BEST3: variants seen among roughly 807,000 people sequenced by gnomAD.
The protein encoded by BEST3 is bestrophin-3.
BEST3 carries 50 observed loss-of-function variants against 47.1 expected under a neutral mutation model. The ratio of observed to expected loss-of-function variants is 1.06; its 90% CI spans 0.85 to 1.34. The LOEUF is 1.34. Ranked by LOEUF, BEST3 falls within the 40% of genes most tolerant of loss-of-function variation. The probability of loss-of-function intolerance (pLI) is 0.00; values close to 1 mark genes in which losing one functional copy is unlikely to be tolerated. For missense variants in BEST3, 765 were observed against 817.0 expected (o/e 0.94, Z 0.78); for synonymous variants, 282 against 298.8 (o/e 0.94, Z 0.58).
chr12:69,676,261 G>T (rs1340783134), intron 7 of BEST3, among the ~76,000 whole-genome samples: 1 of 151,936 alleles, frequency 6.6e-6, no homozygotes, highest in Non-Finnish European at 1.5e-5. Flanking sequence ...TTGAAAATGG[G>T]GTACATTTAG....
chr12:69,671,438 C>A lies in BEST3; in HGVS notation c.1090G>T (p.Val364Phe). The part of the protein sequence containing the change: ...YCIPSFLGST[V>F]QMGLSGSDFP... ...TAAAAATGCACTTACCCCATCTGGACTGTTGACCCCAGAAATGAGGGTATG... is the reference window on the plus strand; with the variant it reads ...TAAAAATGCACTTACCCCATCTGGAATGTTGACCCCAGAAATGAGGGTATG... The change falls in exon 9 of 10, where the codon GTC (valine) becomes TTC (phenylalanine). Residue 364 changes from valine to phenylalanine, a missense_variant. Physicochemically the swap from Val to Phe is conservative, Grantham distance 50. Coordinates refer to ENST00000330891, the MANE Select transcript of BEST3 (RefSeq NM_032735.3). 6.2e-7 allele frequency: 1 copy of A among 1,613,596 alleles called. No individual in the cohort carries two copies. Among genetic ancestry groups the A allele is most frequent in the Non-Finnish European group, 8.5e-7 (1 of 1,179,808 alleles).
chr12:69,698,316 G>C (rs891226311), intron 1 of BEST3, among the ~76,000 whole-genome samples: 1 of 152,136 alleles, frequency 6.6e-6, no homozygotes, highest in African/African-American at 2.4e-5. Context: ...CTTAGGGATG[G>C]TTCACATTCT....
intron 2 of BEST3, among the ~76,000 whole-genome samples, chr12:69,696,658 T>C (rs1199620876): frequency 6.6e-6 from 1 of 152,180 alleles, no homozygotes; most frequent in Non-Finnish European, 1.5e-5. Context: ...GCTGTACCTA[T>C]TTTACTTTTA....
rs181876896 is a variant in BEST3, at chr12:69,689,552, A to T, written c.481+4122T>A. Among the ~76,000 whole-genome samples the T allele has an allele frequency of 1.5e-3, 236 of 152,306 alleles. 1 individual carries two copies. The highest frequency in any genetic ancestry group is 5.5e-3 in the African/African-American group (230 of 41,568). On this transcript the variant is annotated intron_variant, in intron 4 of 9. Transcript: ENST00000330891. ...AAGCACAATATATTCCTGTGGGGAC[A>T]AGATGTACCTACTACCTCTTTTCTG...
chr12:69,647,908 A>G (rs1883089585), intron 9 of BEST3, among the ~76,000 whole-genome samples: 1 of 152,214 alleles, frequency 6.6e-6, no homozygotes, highest in African/African-American at 2.4e-5. Flanking sequence ...TCAACAAGAA[A>G]AGTACAGAAA....
At chr12:69,699,180 GCAT>G (rs756703803) in intron 1 of BEST3, 22 bp downstream of exon 1, 4 of 973,144 alleles carry the variant, frequency 4.1e-6, no homozygotes, top group Non-Finnish European at 4.9e-6. Context: ...GAATTAAAAT[GCAT>G]AGGTTTACTC....
chr12:69,668,712 C>A (rs1365073334), intron 9 of BEST3, among the ~76,000 whole-genome samples: 3 of 152,160 alleles, frequency 2.0e-5, no homozygotes, highest in African/African-American at 7.2e-5. Flanking sequence ...GACTATAACC[C>A]TTGGTTCAAA....
intron 7 of BEST3, among the ~76,000 whole-genome samples, chr12:69,674,945 T>TGGA (rs770785826): frequency 5.9e-4 from 84 of 143,348 alleles, no homozygotes; most frequent in Non-Finnish European, 1.1e-3. Flanking sequence ...TTGCCCAGGC[T>TGGA]GGAGTGCAAT....
chr12:69,664,513 C>T (rs1884068826), intron 9 of BEST3, among the ~76,000 whole-genome samples: 1 of 152,068 alleles, frequency 6.6e-6, no homozygotes, highest in Non-Finnish European at 1.5e-5. Flanking sequence ...TTCCTCTCTT[C>T]CAGTGGGCTC....
chr12:69,663,349 A>G (rs1883982330), intron 9 of BEST3, among the ~76,000 whole-genome samples: 1 of 152,166 alleles, frequency 6.6e-6, no homozygotes, highest in African/African-American at 2.4e-5. Flanking sequence ...TTCTTTGGGT[A>G]AAGTTATTTT....
chr12:69,693,356 C>T (rs749379048), intron 4 of BEST3, among the ~76,000 whole-genome samples: 3 of 151,450 alleles, frequency 2.0e-5, no homozygotes, highest in Non-Finnish European at 2.9e-5. Flanking sequence ...CTCCGCCTCC[C>T]GGGTTCAAGT....
At chr12:69,679,278 G>C (rs976397145) in intron 4 of BEST3, among the ~76,000 whole-genome samples, 1 of 152,170 alleles carries the variant, frequency 6.6e-6, no homozygotes, top group African/African-American at 2.4e-5. Context: ...ATATGATAAC[G>C]TATATAAAGC....
In BEST3 at chr12:69,671,346, CTTT is replaced by C. The variant is rs5798946; in HGVS notation, c.1100+79_1100+81del. The C allele has an allele frequency of 7.1e-3, 7,512 of 1,065,240 alleles. 1 individual carries two copies. The highest frequency in any genetic ancestry group is 0.018 in the South Asian group (802 of 45,330). 66.0% of individuals were successfully genotyped at this position (1,065,240 alleles called of 1,614,324 possible). A position where few individuals can be genotyped will look rare whatever the true frequency, so the allele number is the denominator to read the frequency against. On this transcript the variant is annotated intron_variant, in intron 9 of 9. Transcript: ENST00000330891. ...TTGGCTACTTTAAATTATTTTATTT[CTTT>C]TTTTTTTTTTATAGAGACAAGGTCT...
In BEST3 at chr12:69,693,710, T is replaced by G; in HGVS notation, c.445A>C (p.Lys149Gln). The change falls in exon 4 of 10, where the codon AAA becomes CAA. Residue 149 changes from lysine to glutamine, a missense_variant. Transcript: ENST00000330891. ...ACGTGGTCCATTGTGGGAAATCTTT[T>G]GTACACAGCAGTGCTCACCGAGCGA... Reference protein sequence around the residue: ...IFRSVSTAVYKRFPTMDHVVE... With the variant: ...IFRSVSTAVYQRFPTMDHVVE... 6.2e-7 allele frequency: 1 copy of G among 1,613,814 alleles called. No individual in the cohort carries two copies. The highest frequency in any genetic ancestry group is 8.5e-7 in the Non-Finnish European group (1 of 1,179,710).
In BEST3 at chr12:69,688,277, G is replaced by T. The variant is rs74101306; in HGVS notation, c.481+5397C>A. Among the ~76,000 whole-genome samples, 565 of 152,316 alleles carry T rather than the reference G, an allele frequency of 3.7e-3. 3 individuals are homozygous for T. Among genetic ancestry groups the T allele is most frequent in the African/African-American group, 0.013 (531 of 41,564 alleles). ...ATCTCCCAGGGCAGGTGATTGGAATGACTGGAATTTTCCAGAGCAGATTTG... is the reference window on the plus strand; with the variant it reads ...ATCTCCCAGGGCAGGTGATTGGAATTACTGGAATTTTCCAGAGCAGATTTG... On this transcript the variant is annotated intron_variant, in intron 4 of 9. Transcript: ENST00000330891.
chr12:69,672,355 A>G (rs979641803), intron 8 of BEST3, among the ~76,000 whole-genome samples: 3 of 152,256 alleles, frequency 2.0e-5, no homozygotes, highest in African/African-American at 7.2e-5. Context: ...TTTCTTCATG[A>G]AAAGCTCTCT....
chr12:69,646,681 G>A (rs1883047330), intron 9 of BEST3, among the ~76,000 whole-genome samples: 1 of 152,204 alleles, frequency 6.6e-6, no homozygotes, highest in African/African-American at 2.4e-5. Flanking sequence ...CTGCATCAGG[G>A]CCAGGGGGAG....
At chr12:69,676,560 C>T (rs1884933652) in intron 7 of BEST3, among the ~76,000 whole-genome samples, 1 of 152,178 alleles carries the variant, frequency 6.6e-6, no homozygotes, top group South Asian at 2.1e-4. Context: ...TACAAGGCTT[C>T]TTGTTGACTC....
intron 4 of BEST3, among the ~76,000 whole-genome samples, chr12:69,689,433 C>T (rs1353154570): frequency 6.6e-6 from 1 of 152,096 alleles, no homozygotes; most frequent in Non-Finnish European, 1.5e-5. Context: ...ACAATGCTTG[C>T]GTATAGTATG....
Sources: gnomAD v4.1 joint callset for allele counts (sites outside exome capture counted in the v4.1 genomes callset) on GRCh38, gnomAD v4.1.1 for gene constraint, MANE v1.5 for transcripts, NCBI Gene and HGNC (gene_info 2026-07-23, HGNC 2026-07-21) for gene names.